SLC26A4: variants seen among roughly 807,000 people sequenced by gnomAD.
SLC26A4 encodes the protein pendrin.
In SLC26A4, 93 loss-of-function variants were observed where a neutral mutation model predicts 90.4. That is an observed-to-expected ratio of 1.03 (90% CI 0.87 to 1.22). The LOEUF is 1.22. SLC26A4 is among the 50% of genes most tolerant of loss of function. SLC26A4 has a pLI of 0.00. For missense variants in SLC26A4, 1,127 were observed against 946.2 expected (o/e 1.19, Z -2.51); for synonymous variants, 393 against 354.6 (o/e 1.11, Z -1.22).
intron 14 of SLC26A4, 60 bp downstream of exon 14, chr7:107,698,171 C>A: frequency 9.4e-7 from 1 of 1,062,722 alleles, no homozygotes; most frequent in Non-Finnish European, 1.5e-6. Flanking sequence ...GTTTCAGCAG[C>A]TCCATTTTAC....
chr7:107,683,613 A>AT, intron 8 of SLC26A4, 76 bp downstream of exon 8: 1 of 1,153,052 alleles, frequency 8.7e-7, no homozygotes, highest in Non-Finnish European at 1.3e-6. Flanking sequence ...AAAACCTTTT[A>AT]TTACAAGCTT....
intron 17 of SLC26A4, among the ~76,000 whole-genome samples, chr7:107,702,668 G>C (rs1263331648): frequency 7.4e-6 from 1 of 134,460 alleles, no homozygotes; most frequent in Non-Finnish European, 1.5e-5. Context: ...CTGGGTGACA[G>C]AGTGAGACTT....
At chr7:107,709,925 C>T (rs1405201986) in intron 18 of SLC26A4, 129 bp from the exon 19 acceptor site, 5 of 707,080 alleles carry the variant, frequency 7.1e-6, no homozygotes, top group Middle Eastern at 3.8e-4. Context: ...GAACTTGGGA[C>T]GCGGAGGTTG....
intron 20 of SLC26A4, among the ~76,000 whole-genome samples, chr7:107,714,063 C>T (rs1157816592): frequency 2.0e-5 from 3 of 147,602 alleles, no homozygotes; most frequent in Non-Finnish European, 4.5e-5. Context: ...GGATTACAGG[C>T]GCTCGCCACC....
At position 107,689,014 on chromosome 7, in the gene SLC26A4, T is replaced by A. The variant is rs890178176; in HGVS notation, c.1002-39T>A. On this transcript the variant is annotated intron_variant, in intron 8 of 20. Coordinates refer to ENST00000644269, the MANE Select transcript of SLC26A4 (RefSeq NM_000441.2). ...ATGAGATGGGGAAAAAGGATGGTGG[T>A]CAAATCTTCACAGCATTTTTCACTT... is the stretch of plus-strand genomic sequence containing the variant. The A allele has an allele frequency of 4.3e-6, 7 of 1,611,162 alleles. No homozygotes were observed. The African/African-American group carries it at 9.4e-5, about 22-fold the overall frequency.
intron 5 of SLC26A4, 139 bp from the exon 6 acceptor site, chr7:107,674,805 TA>T: frequency 1.3e-6 from 1 of 765,950 alleles, no homozygotes; most frequent in Non-Finnish European, 2.2e-6. Flanking sequence ...AAGAAATTCA[TA>T]TTTTTTTCTA....
In SLC26A4 at chr7:107,698,039, T is replaced by C. The variant is rs1449532089; in HGVS notation, c.1545-3T>C. The C allele has an allele frequency of 6.9e-6, 11 of 1,598,174 alleles. No homozygotes were observed. The highest frequency in any genetic ancestry group is 8.6e-6 in the Non-Finnish European group (10 of 1,165,492). On this transcript the variant is annotated splice_region_variant and splice_polypyrimidine_tract_variant and intron_variant, in intron 13 of 20. Transcript: ENST00000644269. ...ATCTTGACCTTGATATTTTTTCTTC[T>C]AGTCCTTCTTGGAATGGCCTTGGAA...
intron 6 of SLC26A4, 53 bp downstream of exon 6, chr7:107,675,162 T>A: frequency 3.2e-6 from 5 of 1,562,104 alleles, no homozygotes; most frequent in Non-Finnish European, 4.4e-6. Flanking sequence ...CCAGAAACAA[T>A]TGTATTCATT....
At chr7:107,679,874 A>C (rs1276328958) in intron 6 of SLC26A4, among the ~76,000 whole-genome samples, 14 of 112,628 alleles carry the variant, frequency 1.2e-4, no homozygotes, top group African/African-American at 4.5e-4. Flanking sequence ...ATAATCTTAT[A>C]TTATATAATC....
intron 3 of SLC26A4, among the ~76,000 whole-genome samples, chr7:107,670,967 G>A (rs1790850161): frequency 1.3e-5 from 2 of 151,966 alleles, no homozygotes; most frequent in Non-Finnish European, 2.9e-5. Flanking sequence ...ACTTCATCAG[G>A]GTAGAGTTGT....
At chr7:107,672,355 T>G in intron 4 of SLC26A4, 107 bp downstream of exon 4, 1 of 408,624 alleles carries the variant, frequency 2.4e-6, no homozygotes. Context: ...AATTGCGGTT[T>G]TCACAATTAT....
At chr7:107,683,645 A>G (rs374106955) in intron 8 of SLC26A4, 108 bp downstream of exon 8, 38 of 836,990 alleles carry the variant, frequency 4.5e-5, no homozygotes, top group East Asian at 3.2e-4. Context: ...TACTCCTTCA[A>G]TAGTCCTATT....
At chr7:107,709,138 A>G (rs532378045) in intron 18 of SLC26A4, among the ~76,000 whole-genome samples, 83 of 152,340 alleles carry the variant, frequency 5.4e-4, no homozygotes, top group Non-Finnish European at 9.4e-4. Flanking sequence ...CTGATTTCAC[A>G]GGGAGCACCA....
chr7:107,690,280 C>T (rs371093362), intron 10 of SLC26A4, 43 bp downstream of exon 10: 9 of 1,168,180 alleles, frequency 7.7e-6, no homozygotes, highest in African/African-American at 6.0e-5. Flanking sequence ...GAGAACAAGT[C>T]GAGGAATGGC....
intron 8 of SLC26A4, among the ~76,000 whole-genome samples, chr7:107,685,083 T>G (rs543746347): frequency 1.1e-4 from 16 of 152,298 alleles, no homozygotes; most frequent in African/African-American, 3.4e-4. Context: ...CTGGTCAGCT[T>G]GGTCAGCTAA....
intron 14 of SLC26A4, 66 bp from the exon 15 acceptor site, chr7:107,700,017 C>T: frequency 1.1e-6 from 1 of 950,352 alleles, no homozygotes. Context: ...GCTAAGTAGC[C>T]AGAAATGTAA....
At position 107,701,932 on chromosome 7, in the gene SLC26A4, C is replaced by A. The variant is rs375645779; in HGVS notation, c.1909C>A (p.Gln637Lys). Residue 637 changes from glutamine (Q) to lysine (K), a missense_variant, in exon 17 of 21, where the codon CAA becomes AAA. Coordinates refer to ENST00000644269, the MANE Select transcript of SLC26A4 (RefSeq NM_000441.2). ...TATCCCAACCAAGGAAATAGAGATT[C>A]AAGTGGATTGGAACTCTGAGCTTCC... Reference protein sequence around the residue: ...LDIPTKEIEIQVDWNSELPVK... With the variant: ...LDIPTKEIEIKVDWNSELPVK... The A allele has an allele frequency of 6.2e-6, 10 of 1,612,928 alleles. No individual in the cohort carries two copies. The highest frequency in any genetic ancestry group is 8.5e-6 in the Non-Finnish European group (10 of 1,179,054).
intron 8 of SLC26A4, among the ~76,000 whole-genome samples, chr7:107,686,057 T>G (rs1791389200): frequency 6.6e-6 from 1 of 151,706 alleles, no homozygotes; most frequent in Non-Finnish European, 1.5e-5. Context: ...AGTCTCACTC[T>G]GTCACCCAGC....
intron 3 of SLC26A4, among the ~76,000 whole-genome samples, chr7:107,671,258 G>T (rs1463181479): frequency 6.6e-6 from 1 of 152,136 alleles, no homozygotes; most frequent in African/African-American, 2.4e-5. Flanking sequence ...AAACTCCTGG[G>T]CTCAAACAAT....
Sources: allele counts gnomAD v4.1 joint callset (sites outside exome capture counted in the v4.1 genomes callset), GRCh38; gene constraint gnomAD v4.1.1; transcripts MANE v1.5; gene names NCBI Gene and HGNC (gene_info 2026-07-23, HGNC 2026-07-21).